Variants in CTNNA2 observed in about 807,000 individuals in gnomAD.
CTNNA2 encodes the protein catenin alpha 2.
A neutral mutation model predicts 101.0 loss-of-function variants in CTNNA2; 42 were observed. The observed-to-expected ratio is 0.42, with a 90% CI of 0.32 to 0.54. The LOEUF (loss-of-function observed/expected upper bound fraction) is 0.54. CTNNA2 is among the 20% of genes least tolerant of loss of function. The probability of loss-of-function intolerance (pLI) is 0.14; values close to 1 mark genes in which losing one functional copy is unlikely to be tolerated. For synonymous variants in CTNNA2, 450 were observed against 456.4 expected (o/e 0.99, Z 0.18); for missense variants, 871 against 1,223.1 (o/e 0.71, Z 4.29).
chr2:79,597,197 G>A (rs1677248260), intron 1 of CTNNA2, among the ~76,000 whole-genome samples: 2 of 151,960 alleles, frequency 1.3e-5, no homozygotes, highest in Admixed American at 1.3e-4. Flanking sequence ...CCCCGTCCGG[G>A]CGCGGTGGCT....
intron 7 of CTNNA2, among the ~76,000 whole-genome samples, chr2:80,156,519 T>C (rs1414571912): frequency 1.3e-5 from 2 of 152,228 alleles, no homozygotes; most frequent in African/African-American, 2.4e-5. Flanking sequence ...GTGCTCCATG[T>C]AGCAATCTAG....
At chr2:79,562,113 G>T (rs1674818250) in intron 1 of CTNNA2, among the ~76,000 whole-genome samples, 1 of 151,660 alleles carries the variant, frequency 6.6e-6, no homozygotes, top group African/African-American at 2.4e-5. Flanking sequence ...ATAGATTTTT[G>T]ATCAATTTTT....
At chr2:80,205,490 A>G (rs1707476548) in intron 7 of CTNNA2, among the ~76,000 whole-genome samples, 1 of 152,242 alleles carries the variant, frequency 6.6e-6, no homozygotes, top group African/African-American at 2.4e-5. Context: ...AAGGAAATTC[A>G]TTTCAGAAGG....
chr2:80,449,005 G>A (rs74880738), intron 9 of CTNNA2, among the ~76,000 whole-genome samples: 1 of 152,140 alleles, frequency 6.6e-6, no homozygotes, highest in African/African-American at 2.4e-5. Flanking sequence ...TGCTTTCTAA[G>A]GCATAGTCCT....
intron 7 of CTNNA2, among the ~76,000 whole-genome samples, chr2:80,046,349 A>G (rs918623482): frequency 6.6e-6 from 1 of 152,178 alleles, no homozygotes; most frequent in Non-Finnish European, 1.5e-5. Flanking sequence ...GGAGGTATAT[A>G]TGTCTCCATC....
At chr2:80,476,558 T>C in intron 9 of CTNNA2, among the ~76,000 whole-genome samples, 1 of 152,192 alleles carries the variant, frequency 6.6e-6, no homozygotes, top group East Asian at 1.9e-4. Flanking sequence ...TTATGTGTAT[T>C]GAGGGGTTTA....
intron 3 of CTNNA2, among the ~76,000 whole-genome samples, chr2:79,816,713 T>C (rs1477245712): frequency 4.6e-5 from 7 of 152,212 alleles, no homozygotes; most frequent in African/African-American, 1.2e-4. Context: ...TAGCAATACA[T>C]GTTAACATTC....
intron 4 of CTNNA2, among the ~76,000 whole-genome samples, chr2:79,461,392 G>A (rs190706184): frequency 2.5e-3 from 378 of 152,262 alleles, no homozygotes; most frequent in African/African-American, 8.4e-3. Context: ...GGCAGTGTGC[G>A]AGTGCTTATG....
intron 9 of CTNNA2, among the ~76,000 whole-genome samples, chr2:80,529,263 A>G (rs146440531): frequency 9.2e-5 from 14 of 152,338 alleles, no homozygotes; most frequent in Middle Eastern, 3.4e-3. Context: ...ACCGCCCTTT[A>G]TAAGTGTAAA....
chr2:80,132,069 G>A (rs1702447053), intron 7 of CTNNA2, among the ~76,000 whole-genome samples: 1 of 152,100 alleles, frequency 6.6e-6, no homozygotes, highest in Non-Finnish European at 1.5e-5. Flanking sequence ...TGACAAGAGT[G>A]AAACTCTGTC....
At chr2:80,132,413 G>T (rs533741863) in intron 7 of CTNNA2, among the ~76,000 whole-genome samples, 1 of 152,070 alleles carries the variant, frequency 6.6e-6, no homozygotes, top group South Asian at 2.1e-4. Context: ...AAATATAAAT[G>T]TATCACAGGA....
At chr2:80,021,254 A>C (rs1694544068) in intron 7 of CTNNA2, among the ~76,000 whole-genome samples, 1 of 152,032 alleles carries the variant, frequency 6.6e-6, no homozygotes, top group South Asian at 2.1e-4. Flanking sequence ...TCTTGAGCTC[A>C]AGCAATCCTC....
chr2:80,529,567 C>T (rs1690345249), intron 9 of CTNNA2, among the ~76,000 whole-genome samples: 1 of 152,120 alleles, frequency 6.6e-6, no homozygotes, highest in African/African-American at 2.4e-5. Context: ...TCTAGGTGCA[C>T]CTGAAAAATA....
intron 6 of CTNNA2, among the ~76,000 whole-genome samples, chr2:79,898,560 A>G (rs775388456): frequency 6.6e-6 from 1 of 152,104 alleles, no homozygotes; most frequent in Non-Finnish European, 1.5e-5. Flanking sequence ...TCATCAAGTC[A>G]CCTAACCTGA....
At chr2:79,247,247 G>A (rs1041980872) in intron 2 of CTNNA2, among the ~76,000 whole-genome samples, 1 of 152,200 alleles carries the variant, frequency 6.6e-6, no homozygotes, top group Non-Finnish European at 1.5e-5. Flanking sequence ...AACATGCATT[G>A]TGGAATTCTT....
chr2:80,133,162 G>C (rs1016504279), intron 7 of CTNNA2, among the ~76,000 whole-genome samples: 2 of 152,154 alleles, frequency 1.3e-5, no homozygotes, highest in African/African-American at 4.8e-5. Context: ...AAGCAGGGAA[G>C]AGATGGCCTT....
chr2:79,365,340 T>A (rs1215900891), intron 3 of CTNNA2, among the ~76,000 whole-genome samples: 1 of 151,838 alleles, frequency 6.6e-6, no homozygotes. Context: ...GACAAGATAA[T>A]AGCCAAGGGT....
At chr2:80,334,782 T>C (rs960278558) in intron 7 of CTNNA2, among the ~76,000 whole-genome samples, 2 of 152,238 alleles carry the variant, frequency 1.3e-5, no homozygotes, top group African/African-American at 4.8e-5. Context: ...TAATTGTTTA[T>C]GTGTCCAACT....
intron 7 of CTNNA2, among the ~76,000 whole-genome samples, chr2:80,057,824 G>T (rs1333588963): frequency 6.6e-6 from 1 of 152,156 alleles, no homozygotes; most frequent in African/African-American, 2.4e-5. Context: ...AGAGGGCCAT[G>T]ATACTTTCAT....
Sources: gnomAD v4.1 joint callset for allele counts (sites outside exome capture counted in the v4.1 genomes callset) on GRCh38, gnomAD v4.1.1 for gene constraint, MANE v1.5 for transcripts, NCBI Gene and HGNC (gene_info 2026-07-23, HGNC 2026-07-21) for gene names.